KCNN2: variants seen among roughly 807,000 people sequenced by gnomAD.
The protein encoded by KCNN2 is small conductance calcium-activated potassium channel protein 2.
KCNN2 carries 24 observed loss-of-function variants against 55.5 expected under a neutral mutation model. The ratio of observed to expected loss-of-function variants is 0.43; its 90% CI spans 0.31 to 0.61. The LOEUF (loss-of-function observed/expected upper bound fraction) is 0.61. Ranked by LOEUF, KCNN2 falls within the 20% of genes least tolerant of loss-of-function variation. KCNN2 has a pLI of 0.08. For missense variants in KCNN2, 754 were observed against 853.6 expected (o/e 0.88, Z 1.45); for synonymous variants, 431 against 336.1 (o/e 1.28, Z -3.09).
chr5:114,287,267 T>A lies in KCNN2; in HGVS notation c.-185+65702T>A, dbSNP rs1448786495. Among the ~76,000 whole-genome samples, 3 of 152,208 alleles carry A rather than the reference T, an allele frequency of 2.0e-5. No individual in the cohort carries two copies. The East Asian group carries it at 5.8e-4, about 29-fold the overall frequency. On this transcript the variant is annotated intron_variant, in intron 2 of 10. Transcript: ENST00000512097. ...ATTACTGGGTGAATACCCAAAGGAT[T>A]GTAAATCATTCTACTATAAAGACAC...
intron 2 of KCNN2, among the ~76,000 whole-genome samples, chr5:114,298,242 T>A (rs1292510282): frequency 1.3e-5 from 2 of 152,216 alleles, no homozygotes; most frequent in African/African-American, 4.8e-5. Flanking sequence ...CAGAGATGGT[T>A]CTGCTAGGAA....
chr5:114,471,872 T>C (rs1405041244), intron 4 of KCNN2, among the ~76,000 whole-genome samples: 1 of 152,170 alleles, frequency 6.6e-6, no homozygotes, highest in South Asian at 2.1e-4. Flanking sequence ...CTCAATCGTG[T>C]CCCTCCTGCC....
intron 1 of KCNN2, among the ~76,000 whole-genome samples, chr5:114,189,133 A>T (rs1204040603): frequency 1.3e-5 from 2 of 149,896 alleles, no homozygotes; most frequent in Non-Finnish European, 3.0e-5. Flanking sequence ...TAGAACCAAT[A>T]GTGTGTGTGT....
At chr5:114,312,998 C>T (rs562502521) in intron 2 of KCNN2, among the ~76,000 whole-genome samples, 1 of 152,180 alleles carries the variant, frequency 6.6e-6, no homozygotes, top group Admixed American at 6.5e-5. Flanking sequence ...ATAAGCTACC[C>T]TGCCTCTCTG....
intron 3 of KCNN2, among the ~76,000 whole-genome samples, chr5:114,411,335 C>G (rs954763319): frequency 1.3e-5 from 2 of 151,910 alleles, no homozygotes; most frequent in African/African-American, 2.4e-5. Flanking sequence ...AGAAGCACAA[C>G]CAAGAGGATA....
chr5:114,470,791 A>T (rs1385441448), intron 4 of KCNN2, among the ~76,000 whole-genome samples: 1 of 152,198 alleles, frequency 6.6e-6, no homozygotes, highest in African/African-American at 2.4e-5. Flanking sequence ...GGAGTTTGTC[A>T]TAGTCACTGC....
intron 3 of KCNN2, among the ~76,000 whole-genome samples, chr5:114,435,641 A>G (rs77781705): frequency 0.053 from 8,111 of 152,086 alleles, 224 homozygotes; most frequent in Middle Eastern, 0.061. Context: ...GATGATTTAG[A>G]TAGTATTTAG....
chr5:114,316,206 T>G (rs751402026), intron 2 of KCNN2, among the ~76,000 whole-genome samples: 3 of 152,156 alleles, frequency 2.0e-5, no homozygotes, highest in East Asian at 1.9e-4. Flanking sequence ...CATGGTACCT[T>G]ATAAAATTAA....
intron 1 of KCNN2, among the ~76,000 whole-genome samples, chr5:114,116,283 C>G (rs1306205444): frequency 6.6e-6 from 1 of 152,074 alleles, no homozygotes; most frequent in East Asian, 1.9e-4. Flanking sequence ...AAAGGAGGTT[C>G]TCTGCAGTCA....
intron 4 of KCNN2, among the ~76,000 whole-genome samples, chr5:114,464,078 A>G (rs1761332507): frequency 6.6e-6 from 1 of 152,140 alleles, no homozygotes; most frequent in Admixed American, 6.6e-5. Flanking sequence ...CTGACATGCC[A>G]TCGTTCTTCT....
intron 2 of KCNN2, among the ~76,000 whole-genome samples, chr5:114,300,256 T>C (rs575922706): frequency 3.9e-5 from 6 of 152,346 alleles, no homozygotes; most frequent in Non-Finnish European, 5.9e-5. Context: ...GCCTCTACTA[T>C]ATGTTTTTAA....
chr5:114,384,502 C>A (rs181698356), intron 2 of KCNN2, among the ~76,000 whole-genome samples: 32 of 152,246 alleles, frequency 2.1e-4, no homozygotes, highest in Non-Finnish European at 4.3e-4. Flanking sequence ...TTAGTCTGTG[C>A]CGTAAGTGTG....
chr5:114,141,567 T>C (rs1460880215), intron 1 of KCNN2, among the ~76,000 whole-genome samples: 1 of 152,208 alleles, frequency 6.6e-6, no homozygotes, highest in African/African-American at 2.4e-5. Context: ...GTCTTTGCTA[T>C]TGTGAATAGT....
At chr5:114,097,594 T>C (rs560333932) in intron 1 of KCNN2, among the ~76,000 whole-genome samples, 2 of 152,214 alleles carry the variant, frequency 1.3e-5, no homozygotes, top group Non-Finnish European at 2.9e-5. Context: ...CCTGCCGCTA[T>C]TGAAGGTAGC....
intron 1 of KCNN2, among the ~76,000 whole-genome samples, chr5:114,182,753 G>A (rs933298711): frequency 6.6e-6 from 1 of 151,898 alleles, no homozygotes; most frequent in Non-Finnish European, 1.5e-5. Context: ...TTCATCAATT[G>A]GTTTCTAGTT....
chr5:114,326,186 G>A (rs1485821509), intron 2 of KCNN2, among the ~76,000 whole-genome samples: 2 of 152,170 alleles, frequency 1.3e-5, no homozygotes, highest in Non-Finnish European at 1.5e-5. Context: ...GACTGAGGAA[G>A]AGGGTGAGAA....
chr5:114,133,370 G>C (rs1752108796), intron 1 of KCNN2, among the ~76,000 whole-genome samples: 1 of 152,152 alleles, frequency 6.6e-6, no homozygotes, highest in African/African-American at 2.4e-5. Flanking sequence ...AAATTATAAT[G>C]ATAATAGTAG....
chr5:114,371,009 G>A (rs1757747722), intron 2 of KCNN2, among the ~76,000 whole-genome samples: 1 of 152,162 alleles, frequency 6.6e-6, no homozygotes, highest in South Asian at 2.1e-4. Flanking sequence ...ATTCTTGCTT[G>A]TAGCAGCCAT....
chr5:114,099,908 A>G (rs189582616), intron 1 of KCNN2, among the ~76,000 whole-genome samples: 40 of 152,006 alleles, frequency 2.6e-4, no homozygotes, highest in African/African-American at 9.4e-4. Flanking sequence ...ATAAAATATT[A>G]AATACATTAT....
Sources: allele counts gnomAD v4.1 joint callset (sites outside exome capture counted in the v4.1 genomes callset), GRCh38; gene constraint gnomAD v4.1.1; transcripts MANE v1.5; gene names NCBI Gene and HGNC (gene_info 2026-07-23, HGNC 2026-07-21).